PCDHA1: variants seen among roughly 807,000 people sequenced by gnomAD.
The protein encoded by PCDHA1 is protocadherin alpha-1.
In PCDHA1, 42 loss-of-function variants were observed where a neutral mutation model predicts 61.3. That is an observed-to-expected ratio of 0.69 (90% confidence interval 0.54 to 0.89). The LOEUF (loss-of-function observed/expected upper bound fraction) is 0.89. Among genes scored for constraint, PCDHA1 ranks in the 40% least tolerant of loss-of-function variants. The pLI is 0.00. For missense variants in PCDHA1, 1,256 were observed against 1,235.3 expected, an observed-to-expected ratio of 1.02 and a Z score of -0.25; for synonymous variants, 610 against 553.8, an observed-to-expected ratio of 1.10 and a Z score of -1.43.
intron 1 of PCDHA1, chr5:140,848,571 G>A: frequency 6.3e-7 from 1 of 1,595,628 alleles, no homozygotes; most frequent in South Asian, 1.1e-5. Context: ...AATGTGGGTG[G>A]TGGGGAGCGG....
chr5:140,850,744 A>G (rs2150496809), intron 1 of PCDHA1: 2 of 1,597,586 alleles, frequency 1.3e-6, no homozygotes, highest in Non-Finnish European at 1.7e-6. Context: ...AGTTGGTCGT[A>G]CTCGCAGCAG....
intron 1 of PCDHA1, among the ~76,000 whole-genome samples, chr5:140,953,811 A>T (rs782282216): frequency 3.3e-5 from 5 of 152,074 alleles, no homozygotes; most frequent in Non-Finnish European, 5.9e-5. Context: ...TCTGAGGTGC[A>T]TGTGCTAGTT....
chr5:140,857,187 C>A (rs202051639), intron 1 of PCDHA1: 1 of 1,598,516 alleles, frequency 6.3e-7, no homozygotes, highest in East Asian at 2.2e-5. Context: ...GATTCAGGAG[C>A]CAACGGACAG....
chr5:140,809,496 T>A lies in PCDHA1; in HGVS notation c.2394+20812T>A. ...GAGGGCCCACCCAAGACCGACCTCA[T>A]GGCCTTCAGCCCCAGTTTACCTGAC... On this transcript the variant is annotated intron_variant, in intron 1 of 3. Coordinates refer to ENST00000504120, the MANE Select transcript of PCDHA1 (RefSeq NM_018900.4). The A allele has an allele frequency of 3.1e-6, 5 of 1,614,246 alleles. No homozygotes were observed. Among genetic ancestry groups the A allele is most frequent in the Non-Finnish European group, 4.2e-6 (5 of 1,180,030 alleles).
chr5:140,940,096 T>C (rs2153644801), intron 1 of PCDHA1, among the ~76,000 whole-genome samples: 1 of 152,378 alleles, frequency 6.6e-6, no homozygotes, highest in East Asian at 1.9e-4. Context: ...ATTGAAACTT[T>C]TAGCGTTATG....
Position 140,802,792 on chromosome 5 carries a change from A to T in PCDHA1, c.2394+14108A>T, listed in dbSNP as rs375690529. 67 of 1,613,318 alleles carry T rather than the reference A, an allele frequency of 4.2e-5. No homozygotes were observed. Among genetic ancestry groups the T allele is most frequent in the Non-Finnish European group, 5.4e-5 (64 of 1,179,918 alleles). On this transcript the variant is annotated intron_variant, in intron 1 of 3. Transcript: ENST00000504120. ...GACCACGAGGAGCTAGAGCTGCTGC[A>T]GTTCCAGGTGAGTGCGCGCGATGCG...
chr5:140,795,589 A>G (rs201598508), intron 1 of PCDHA1: 6 of 1,614,128 alleles, frequency 3.7e-6, no homozygotes, highest in Admixed American at 1.7e-5. Flanking sequence ...TGCTGAGGTT[A>G]ATTTGTTACT....
At chr5:140,874,530 G>T (rs1332198120) in intron 1 of PCDHA1, among the ~76,000 whole-genome samples, 2 of 152,200 alleles carry the variant, frequency 1.3e-5, no homozygotes, top group Admixed American at 6.5e-5. Flanking sequence ...ATGAGATTAG[G>T]CTCCAAAACC....
At chr5:140,833,984 G>A (rs1449864732) in intron 1 of PCDHA1, among the ~76,000 whole-genome samples, 2 of 152,118 alleles carry the variant, frequency 1.3e-5, no homozygotes, top group East Asian at 3.8e-4. Flanking sequence ...GTTTTTCTAA[G>A]GCATGAGGAA....
intron 1 of PCDHA1, chr5:140,803,762 T>G (rs1562195951): frequency 5.2e-6 from 6 of 1,158,102 alleles, no homozygotes; most frequent in Non-Finnish European, 6.0e-6. Context: ...TTGCTAATTT[T>G]TGAACCAAAT....
intron 1 of PCDHA1, chr5:140,966,522 G>C (rs1350046535): frequency 2.3e-6 from 1 of 437,158 alleles, no homozygotes; most frequent in Non-Finnish European, 4.0e-6. Context: ...GCAGGAAGCC[G>C]AGCCGGGTTG....
At chr5:140,998,779 G>T (rs782154283) in intron 3 of PCDHA1, among the ~76,000 whole-genome samples, 3 of 152,140 alleles carry the variant, frequency 2.0e-5, no homozygotes, top group Non-Finnish European at 4.4e-5. Context: ...GGTCAGGCTG[G>T]TCTGGAACCC....
chr5:140,788,466 C>G lies in PCDHA1; in HGVS notation c.2176C>G (p.Pro726Ala), dbSNP rs1554118261. ...GTACACGGCGCTGCGGTGCTCAGTG[C>G]CGCCCACTGAGGGTGCGTATGTGCC... ...LLYTALRCSVPPTEGAYVPGK... is the reference protein window; with the variant it reads ...LLYTALRCSVAPTEGAYVPGK... The change falls in exon 1 of 4, where the codon CCG (proline) becomes GCG (alanine). Residue 726 changes from proline to alanine, a missense_variant. Transcript: ENST00000504120. The G allele has an allele frequency of 6.2e-7, 1 of 1,614,112 alleles. No homozygotes were observed.
chr5:140,795,027 C>G (rs782638964), intron 1 of PCDHA1: 1 of 1,613,804 alleles, frequency 6.2e-7, no homozygotes. Context: ...TTCTGCTCCT[C>G]GCAGCCTGGG....
rs370847724 is a variant in PCDHA1 at position 140,807,494 on chromosome 5, A to G, written c.2394+18810A>G. On this transcript the variant is annotated intron_variant, in intron 1 of 3. Transcript: ENST00000504120. ...GCTGTGCCGGCGGAGCGCGGAGTGC[A>G]GCATCCACCTGGAGGTGATCGTAGA... 139 of 1,613,554 alleles carry G rather than the reference A, an allele frequency of 8.6e-5. No individual in the cohort carries two copies. The highest frequency in any genetic ancestry group is 1.1e-4 in the Non-Finnish European group (134 of 1,179,906).
intron 1 of PCDHA1, among the ~76,000 whole-genome samples, chr5:140,950,613 A>G (rs980395914): frequency 3.3e-5 from 5 of 152,064 alleles, no homozygotes; most frequent in African/African-American, 1.2e-4. Context: ...TGATGTGCTT[A>G]TTTATGCTTT....
intron 1 of PCDHA1, chr5:140,835,730 C>A: frequency 1.2e-6 from 2 of 1,613,804 alleles, no homozygotes; most frequent in South Asian, 1.1e-5. Context: ...CCGACGTGAA[C>A]GACAACGCCC....
rs1588262423 is a variant in PCDHA1 at position 141,011,885 on chromosome 5, T to C, written c.*1948T>C. 1 of 153,482 alleles carries C rather than the reference T, an allele frequency of 6.5e-6. No homozygotes were observed. The highest frequency in any genetic ancestry group is 1.9e-4 in the East Asian group (1 of 5,202). 9.5% of individuals were successfully genotyped at this position (153,482 alleles called of 1,614,324 possible). ...ATAATGTACAATTTAGAAGTTTGATTAATTATATTATCTATTTAGGCATTA... is the reference window on the plus strand; with the variant it reads ...ATAATGTACAATTTAGAAGTTTGATCAATTATATTATCTATTTAGGCATTA... On this transcript the variant is annotated 3_prime_UTR_variant, in exon 4 of 4. Transcript: ENST00000504120.
At chr5:140,948,665 A>T (rs2094288381) in intron 1 of PCDHA1, among the ~76,000 whole-genome samples, 1 of 151,668 alleles carries the variant, frequency 6.6e-6, no homozygotes. Flanking sequence ...ATCTGTAGTG[A>T]TAACATCTTT....
Sources: allele counts gnomAD v4.1 joint callset (sites outside exome capture counted in the v4.1 genomes callset), GRCh38; gene constraint gnomAD v4.1.1; transcripts MANE v1.5; gene names NCBI Gene and HGNC (gene_info 2026-07-23, HGNC 2026-07-21).